The following LHFPL3 variants were observed in gnomAD, a reference collection of about 807,000 sequenced individuals.
The protein encoded by LHFPL3 is LHFPL tetraspan subfamily member 3.
LHFPL3 carries 5 observed loss-of-function variants against 19.3 expected under a neutral mutation model. That is an observed-to-expected ratio of 0.26 (90% CI 0.14 to 0.54). The LOEUF is 0.54. Ranked by LOEUF, LHFPL3 falls within the 20% of genes least tolerant of loss-of-function variation. The probability of loss-of-function intolerance (pLI) is 0.94; values close to 1 mark genes in which losing one functional copy is unlikely to be tolerated. For synonymous variants in LHFPL3, 133 were observed against 126.2 expected (o/e 1.05, Z -0.36); for missense variants, 249 against 307.4 (o/e 0.81, Z 1.42).
chr7:104,339,532 A>C (rs1036163215), intron 1 of LHFPL3, among the ~76,000 whole-genome samples: 3 of 151,036 alleles, frequency 2.0e-5, no homozygotes, highest in Non-Finnish European at 4.4e-5. Context: ...ACCTTGGAAA[A>C]ATTGAGATCA....
intron 1 of LHFPL3, among the ~76,000 whole-genome samples, chr7:104,439,227 G>C (rs1217532089): frequency 6.6e-6 from 1 of 152,124 alleles, no homozygotes; most frequent in African/African-American, 2.4e-5. Context: ...TTACAGTTAT[G>C]AGCCACTGTG....
chr7:104,356,216 G>A lies in LHFPL3; in HGVS notation c.445+26992G>A, dbSNP rs115409749. On this transcript the variant is annotated intron_variant, in intron 1 of 2. Transcript: ENST00000424859. ...GGTAGGTGATGAGAAAGAACAGAAC[G>A]CAGACTCCAGGCAAGAAGGAGAGTA... Among the ~76,000 whole-genome samples the A allele has an allele frequency of 3.7e-3, 560 of 152,276 alleles. 1 individual carries two copies. Among genetic ancestry groups the A allele is most frequent in the Middle Eastern group, 6.8e-3 (2 of 294 alleles).
intron 1 of LHFPL3, among the ~76,000 whole-genome samples, chr7:104,460,845 A>G (rs1792648384): frequency 6.6e-6 from 1 of 152,130 alleles, no homozygotes; most frequent in Non-Finnish European, 1.5e-5. Flanking sequence ...TCTTAAGTTT[A>G]ATTAGCTCCT....
rs141217666 is a variant in LHFPL3 at position 104,415,644 on chromosome 7, A to C, written c.445+86420A>C. On this transcript the variant is annotated intron_variant, in intron 1 of 2. Transcript: ENST00000424859. Reference sequence around the variant, plus strand: ...TAAATACCTGTTTTCAAATGTCTGTAATCATAAAACACATTCCACTTTCTA... The same window carrying C: ...TAAATACCTGTTTTCAAATGTCTGTCATCATAAAACACATTCCACTTTCTA... Among the ~76,000 whole-genome samples the C allele has an allele frequency of 7.9e-5, 12 of 152,328 alleles. No homozygotes were observed. The East Asian group carries it at 2.3e-3, about 29-fold the overall frequency.
chr7:104,594,574 T>A (rs6466001), intron 1 of LHFPL3, among the ~76,000 whole-genome samples: 9 of 152,056 alleles, frequency 5.9e-5, no homozygotes, highest in African/African-American at 1.2e-4. Flanking sequence ...CTGAATTTGA[T>A]TGTTGGCCTG....
At chr7:104,414,257 C>T (rs1054490876) in intron 1 of LHFPL3, among the ~76,000 whole-genome samples, 1 of 152,102 alleles carries the variant, frequency 6.6e-6, no homozygotes, top group African/African-American at 2.4e-5. Context: ...GAAATGTGCT[C>T]TTAATTAGAA....
chr7:104,684,893 A>C (rs1792776155), intron 1 of LHFPL3, among the ~76,000 whole-genome samples: 1 of 152,086 alleles, frequency 6.6e-6, no homozygotes, highest in South Asian at 2.1e-4. Flanking sequence ...CCTGATCTCC[A>C]CCGCCCAGGG....
At chr7:104,755,296 C>CTGA (rs35755148) in intron 2 of LHFPL3, among the ~76,000 whole-genome samples, 47,178 of 151,782 alleles carry the variant, frequency 0.31, 8,145 homozygotes, top group East Asian at 0.77. Flanking sequence ...TAAGTCATGG[C>CTGA]TGGACCATAT....
At chr7:104,502,933 G>T (rs41030) in intron 1 of LHFPL3, among the ~76,000 whole-genome samples, 76,644 of 151,910 alleles carry the variant, frequency 0.5, 19,754 homozygotes, top group African/African-American at 0.59. Flanking sequence ...CTTTTACACT[G>T]TCAGTGATAG....
In LHFPL3 at chr7:104,612,302, C is replaced by T. The variant is rs190876231; in HGVS notation, c.446-124373C>T. Among the ~76,000 whole-genome samples, 145 of 152,176 alleles carry T rather than the reference C, an allele frequency of 9.5e-4. 1 individual carries two copies. Among genetic ancestry groups the T allele is most frequent in the African/African-American group, 3.3e-3 (138 of 41,520 alleles). ...TGTAAACTGCTGATTATAGCCATCT[C>T]CTAGGTTATTTTGAGGATTGAATAA... On this transcript the variant is annotated intron_variant, in intron 1 of 2. Transcript: ENST00000424859.
intron 1 of LHFPL3, among the ~76,000 whole-genome samples, chr7:104,727,048 A>G (rs190529648): frequency 1.4e-3 from 217 of 152,190 alleles, no homozygotes; most frequent in African/African-American, 5.2e-3. Context: ...GAAGCATCTC[A>G]TTGTCGTTTT....
intron 1 of LHFPL3, among the ~76,000 whole-genome samples, chr7:104,427,122 C>T (rs756040360): frequency 3.3e-5 from 5 of 152,084 alleles, no homozygotes; most frequent in South Asian, 2.1e-4. Flanking sequence ...TACAGGAGAT[C>T]GTCAAATCCA....
At chr7:104,491,259 C>T (rs946462334) in intron 1 of LHFPL3, among the ~76,000 whole-genome samples, 2 of 152,060 alleles carry the variant, frequency 1.3e-5, no homozygotes, top group Admixed American at 6.6e-5. Context: ...GAATACACAA[C>T]TGGGGGAAAC....
chr7:104,772,531 T>C (rs899073791), intron 2 of LHFPL3, among the ~76,000 whole-genome samples: 3 of 152,186 alleles, frequency 2.0e-5, no homozygotes, highest in African/African-American at 7.2e-5. Flanking sequence ...GTCACAGCAG[T>C]GCCCTTTCTT....
chr7:104,506,506 G>C (rs960281776), intron 1 of LHFPL3, among the ~76,000 whole-genome samples: 1 of 152,196 alleles, frequency 6.6e-6, no homozygotes, highest in African/African-American at 2.4e-5. Context: ...TCCTGAGGCT[G>C]TGTTATACTC....
intron 1 of LHFPL3, among the ~76,000 whole-genome samples, chr7:104,432,950 T>C (rs1469274782): frequency 6.6e-6 from 1 of 152,148 alleles, no homozygotes; most frequent in Admixed American, 6.5e-5. Context: ...TCTCCCTACC[T>C]CACTGTTTCA....
At chr7:104,707,194 A>T (rs748867092) in intron 1 of LHFPL3, among the ~76,000 whole-genome samples, 2 of 152,166 alleles carry the variant, frequency 1.3e-5, no homozygotes, top group Non-Finnish European at 2.9e-5. Flanking sequence ...CATTAGGCTT[A>T]ATTCACTCCA....
chr7:104,603,586 G>A (rs922746100), intron 1 of LHFPL3, among the ~76,000 whole-genome samples: 6 of 152,144 alleles, frequency 3.9e-5, no homozygotes, highest in African/African-American at 1.4e-4. Context: ...GAAATTCAAG[G>A]CATGATTCAT....
chr7:104,819,890 A>T (rs1790645613), intron 2 of LHFPL3, among the ~76,000 whole-genome samples: 1 of 152,204 alleles, frequency 6.6e-6, no homozygotes, highest in Non-Finnish European at 1.5e-5. Flanking sequence ...TTCAGCTGCC[A>T]CAATGATCTT....
Sources: gnomAD v4.1 joint callset for allele counts (sites outside exome capture counted in the v4.1 genomes callset) on GRCh38, gnomAD v4.1.1 for gene constraint, MANE v1.5 for transcripts, NCBI Gene and HGNC (gene_info 2026-07-23, HGNC 2026-07-21) for gene names.